The following EMC3 variants were observed in gnomAD, a reference collection of about 807,000 sequenced individuals.
The protein encoded by EMC3 is 30 kDa protein.
EMC3 carries 13 observed loss-of-function variants against 36.6 expected under a neutral mutation model. That is an observed-to-expected ratio of 0.35 (90% confidence interval 0.23 to 0.56). The LOEUF (loss-of-function observed/expected upper bound fraction) is 0.56. Among genes scored for constraint, EMC3 ranks in the 20% least tolerant of loss-of-function variants. The probability of loss-of-function intolerance (pLI) is 0.84; values close to 1 mark genes in which losing one functional copy is unlikely to be tolerated. For missense variants in EMC3, 220 were observed against 324.5 expected, an observed-to-expected ratio of 0.68 and a Z score of 2.47; for synonymous variants, 120 against 111.9, an observed-to-expected ratio of 1.07 and a Z score of -0.46.
chr3:9,970,590 T>C lies in EMC3; in HGVS notation c.566A>G (p.Gln189Arg). The change falls in exon 6 of 8, where the codon CAA becomes CGA. Residue 189 changes from glutamine to arginine, a missense_variant. Physicochemically the swap from Gln to Arg is conservative, Grantham distance 43. This residue lies in a region of EMC3 where 56 missense variants were observed against 117.0 expected (regional missense o/e 0.48). Transcript: ENST00000245046. ...CCTGACATGCTTCTTACCATTATCTTGGCCCAGAATCAGAGAGTAAATGCT... is the reference window on the plus strand; with the variant it reads ...CCTGACATGCTTCTTACCATTATCTCGGCCCAGAATCAGAGAGTAAATGCT... ...LRSIYSLILG[Q>R]DNAADQSRMM... The C allele has an allele frequency of 1.1e-5, 17 of 1,614,182 alleles. No homozygotes were observed. Among genetic ancestry groups the C allele is most frequent in the Non-Finnish European group, 1.4e-5 (16 of 1,180,036 alleles).
At chr3:10,007,301 A>G (rs370259851) in intron 1 of EMC3, 16 of 1,280,318 alleles carry the variant, frequency 1.2e-5, no homozygotes, top group Admixed American at 2.6e-5. Context: ...GAACATTTTC[A>G]GAAGGACCAG....
chr3:9,993,855 G>GT (rs2086087421), intron 1 of EMC3, among the ~76,000 whole-genome samples: 1 of 152,062 alleles, frequency 6.6e-6, no homozygotes, highest in African/African-American at 2.4e-5. Flanking sequence ...GAACATCCCT[G>GT]GGGGGTCGTG....
chr3:9,977,423 AC>A lies in EMC3; in HGVS notation c.178del (p.Val60SerfsTer15), dbSNP rs1291155072. 1 of 1,612,640 alleles carries A rather than the reference AC, an allele frequency of 6.2e-7. No homozygotes were observed. The highest frequency in any genetic ancestry group is 8.5e-7 in the Non-Finnish European group (1 of 1,179,690). On this transcript the variant is annotated frameshift_variant, in exon 2 of 8. Transcript: ENST00000245046. LOFTEE classifies it high-confidence loss of function. ...AATGTATTTTCCATTTTCCCTGAGG[AC>A]TCTGCTTCGAATTAGGACTTGACTG... ...SDSQVLIRSR[V>X]LRENGKYIPK...
rs548205286 is a variant in EMC3, at chr3:9,983,753, T to C, written c.155+2754A>G. On this transcript the variant is annotated intron_variant, in intron 1 of 7. Transcript: ENST00000245046. ...TTACAAAAGAGAGCTTTGGATCTGA[T>C]ATAATTCAGAACCATTGCTCTAATA... Among the ~76,000 whole-genome samples the C allele has an allele frequency of 5.9e-5, 9 of 152,268 alleles. No homozygotes were observed. In the East Asian group the frequency reaches 1.7e-3, roughly 29 times the overall value.
intron 1 of EMC3, among the ~76,000 whole-genome samples, chr3:9,985,688 G>A (rs2085962860): frequency 6.6e-6 from 1 of 152,138 alleles, no homozygotes; most frequent in African/African-American, 2.4e-5. Context: ...CTGAGGTCGA[G>A]TTCGAGAACA....
At chr3:9,967,660 A>G (rs546899987) in intron 7 of EMC3, among the ~76,000 whole-genome samples, 4 of 152,296 alleles carry the variant, frequency 2.6e-5, no homozygotes, top group East Asian at 3.9e-4. Context: ...AAGTTATTCA[A>G]TTTTGCCAAC....
At position 9,964,090 on chromosome 3, in the gene EMC3, T is replaced by C. The variant is rs545284001; in HGVS notation, c.765A>G (p.Glu255=). The change falls in exon 8 of 8, where the codon GAA becomes GAG. Residue 255 remains glutamate (E), a synonymous_variant. Transcript: ENST00000245046. ...DLHFEGMFKK[E]LQTSIF ...GTCTTCAAAAAATAGAGGTCTGTAA[T>C]TCCTTTTTGAACATGCCTTCGAAGT... 6.2e-7 allele frequency: 1 copy of C among 1,614,186 alleles called. No homozygotes were observed. The highest frequency in any genetic ancestry group is 8.5e-7 in the Non-Finnish European group (1 of 1,180,042).
intron 1 of EMC3, among the ~76,000 whole-genome samples, chr3:10,001,946 C>T (rs2086206309): frequency 6.6e-6 from 1 of 152,052 alleles, no homozygotes; most frequent in Admixed American, 6.6e-5. Flanking sequence ...TTGCAGTGAG[C>T]CGAGATCACG....
rs1228490841 is a variant in EMC3 at position 9,986,449 on chromosome 3, A to C, written c.155+58T>G. 1.9e-6 allele frequency: 3 copies of C among 1,596,034 alleles called. No homozygotes were observed. The African/African-American group carries it at 4.0e-5, about 21-fold the overall frequency. ...CTAGGCAAATTGACACAACTCCTGC[A>C]CTTTTTTGCCCAAGGTCACGGCGGT... On this transcript the variant is annotated intron_variant, in intron 1 of 7. Transcript: ENST00000245046.
chr3:10,005,420 G>T (rs1438251105), intron 1 of EMC3, among the ~76,000 whole-genome samples: 1 of 152,134 alleles, frequency 6.6e-6, no homozygotes, highest in Non-Finnish European at 1.5e-5. Context: ...CCTGGGCCAG[G>T]CATGCCAGTG....
At chr3:9,992,892 A>G in intron 1 of EMC3, 1 of 1,588,084 alleles carries the variant, frequency 6.3e-7, no homozygotes, top group South Asian at 1.1e-5. Flanking sequence ...GATGCTTTTC[A>G]TCATCTATAG....
rs1559354713 is a variant in EMC3 at position 9,986,790 on chromosome 3, C to T, written c.-129G>A. 5 of 1,472,418 alleles carry T rather than the reference C, an allele frequency of 3.4e-6. No individual in the cohort carries two copies. Among genetic ancestry groups the T allele is most frequent in the Non-Finnish European group, 3.6e-6 (4 of 1,111,328 alleles). The allele number at this position is 1,472,418 out of a possible 1,614,324, so 91.2% of individuals were successfully genotyped here. On this transcript the variant is annotated 5_prime_UTR_variant, in exon 1 of 8. Coordinates refer to ENST00000245046, the MANE Select transcript of EMC3 (RefSeq NM_001394674.1). The stretch of plus-strand genomic sequence containing the variant: ...GCCCGTGTACCCCAGAACTCTCCTG[C>T]GACTGTGAGCCGAGCTTACTGCCTT...
intron 1 of EMC3, chr3:9,994,320 G>C: frequency 1.1e-6 from 1 of 913,734 alleles, no homozygotes; most frequent in Non-Finnish European, 1.8e-6. Context: ...CATACTGCCA[G>C]CAGGTATGTT....
chr3:9,980,244 C>T (rs965331999), intron 1 of EMC3, among the ~76,000 whole-genome samples: 1 of 151,878 alleles, frequency 6.6e-6, no homozygotes, highest in Non-Finnish European at 1.5e-5. Context: ...GAATTCCTGA[C>T]ATCAGATGAT....
intron 1 of EMC3, among the ~76,000 whole-genome samples, chr3:10,002,427 C>A (rs1260516074): frequency 1.3e-5 from 2 of 151,872 alleles, no homozygotes; most frequent in East Asian, 3.9e-4. Flanking sequence ...TAGATGGGAC[C>A]ACAGGCATGC....
chr3:9,975,231 A>C (rs2085834459), intron 3 of EMC3, among the ~76,000 whole-genome samples: 1 of 152,184 alleles, frequency 6.6e-6, no homozygotes, highest in South Asian at 2.1e-4. Flanking sequence ...GAGTAGACCT[A>C]TCGATTGTTT....
intron 1 of EMC3, among the ~76,000 whole-genome samples, chr3:9,994,712 A>T (rs909977696): frequency 3.3e-5 from 5 of 152,102 alleles, no homozygotes; most frequent in African/African-American, 1.2e-4. Context: ...CTGGGATTAC[A>T]GGCGCGTGCC....
At chr3:9,973,292 T>C (rs2085807627) in intron 5 of EMC3, among the ~76,000 whole-genome samples, 1 of 151,682 alleles carries the variant, frequency 6.6e-6, no homozygotes, top group Admixed American at 6.6e-5. Context: ...CCTCCTGGGT[T>C]CATGCAATTC....
In EMC3 at chr3:9,994,229, G is replaced by C; in HGVS notation, c.-241-7327C>G. Reference sequence around the variant, plus strand: ...GTTCATCCATTATGTCGCTGGCTCAGAGTTTGCTTCACTCTCTAGACTAGA... The same window carrying C: ...GTTCATCCATTATGTCGCTGGCTCACAGTTTGCTTCACTCTCTAGACTAGA... On this transcript the variant is annotated intron_variant, in intron 1 of 8. Coordinates refer to the EMC3 transcript ENST00000470827. 5 of 1,573,554 alleles carry C rather than the reference G, an allele frequency of 3.2e-6. No individual in the cohort carries two copies. In the South Asian group the frequency reaches 3.3e-5, roughly 10 times the overall value.
Sources: allele counts gnomAD v4.1 joint callset (sites outside exome capture counted in the v4.1 genomes callset), GRCh38; gene constraint gnomAD v4.1.1; regional missense constraint gnomAD v4.1.1; transcripts MANE v1.5; gene names NCBI Gene and HGNC (gene_info 2026-07-23, HGNC 2026-07-21).